COMMD10: variants seen among roughly 807,000 people sequenced by gnomAD.
The protein encoded by COMMD10 is COMM domain-containing protein 10.
In COMMD10, 33 loss-of-function variants were observed where a neutral mutation model predicts 28.9. That is an observed-to-expected ratio of 1.14 (90% CI 0.87 to 1.53). The LOEUF is 1.53. COMMD10 is among the 40% of genes most tolerant of loss of function. The pLI is 0.00. For missense variants in COMMD10, 310 were observed against 233.4 expected (o/e 1.33, Z -2.14); for synonymous variants, 110 against 81.7 (o/e 1.35, Z -1.87).
chr5:116,123,916 T>C (rs865836653), intron 4 of COMMD10, among the ~76,000 whole-genome samples: 1 of 87,722 alleles, frequency 1.1e-5, no homozygotes, highest in African/African-American at 2.8e-5. Flanking sequence ...GGTGGTGATA[T>C]CCCCTTTATC....
intron 5 of COMMD10, among the ~76,000 whole-genome samples, chr5:116,221,019 T>C (rs974578330): frequency 1.3e-5 from 2 of 152,054 alleles, no homozygotes; most frequent in African/African-American, 4.8e-5. Context: ...TAATTCTCCT[T>C]AACTGCTCCA....
intron 4 of COMMD10, among the ~76,000 whole-genome samples, chr5:116,100,209 G>T (rs926965169): frequency 2.6e-5 from 4 of 152,054 alleles, no homozygotes; most frequent in African/African-American, 9.7e-5. Context: ...TTGGATTAGG[G>T]ATGCCGAACC....
In COMMD10 at chr5:116,134,231, C is replaced by A; in HGVS notation, c.510+53C>A. On this transcript the variant is annotated intron_variant, in intron 5 of 6. Coordinates refer to ENST00000274458, the MANE Select transcript of COMMD10 (RefSeq NM_016144.4). ...TGTATTTTGTTTGTTAGGACTTAAA[C>A]TTTTTATTCTTAGCAGTCTTTGCTC... 3.0e-6 allele frequency: 3 copies of A among 995,552 alleles called. No homozygotes were observed. The African/African-American group carries it at 4.8e-5, about 16-fold the overall frequency. 61.7% of individuals were successfully genotyped at this position (995,552 alleles called of 1,614,324 possible). A position where few individuals can be genotyped will look rare whatever the true frequency, so the allele number is the denominator to read the frequency against.
At chr5:116,205,375 A>G (rs957860665) in intron 5 of COMMD10, among the ~76,000 whole-genome samples, 2 of 152,174 alleles carry the variant, frequency 1.3e-5, no homozygotes, top group South Asian at 2.1e-4. Flanking sequence ...TATACTACCT[A>G]TAGTAGCATC....
chr5:116,229,247 C>T (rs1749470865), intron 5 of COMMD10, among the ~76,000 whole-genome samples: 1 of 151,946 alleles, frequency 6.6e-6, no homozygotes, highest in Non-Finnish European at 1.5e-5. Flanking sequence ...CAGACAGACA[C>T]AGTAATGGCT....
chr5:116,226,542 A>G lies in COMMD10; in HGVS notation c.511-64975A>G, dbSNP rs1051640351. Reference sequence around the variant, plus strand: ...GAGTCACTATTTTTCACTGCTGCAGATATCTAGACATTTGATTGGAAAATA... The same window carrying G: ...GAGTCACTATTTTTCACTGCTGCAGGTATCTAGACATTTGATTGGAAAATA... On this transcript the variant is annotated intron_variant, in intron 5 of 6. Transcript: ENST00000274458. Among the ~76,000 whole-genome samples, 4 of 151,682 alleles carry G rather than the reference A, an allele frequency of 2.6e-5. No individual in the cohort carries two copies. In the East Asian group the frequency reaches 5.8e-4, roughly 22 times the overall value.
chr5:116,144,187 C>T (rs1357495746), intron 5 of COMMD10, among the ~76,000 whole-genome samples: 1 of 151,678 alleles, frequency 6.6e-6, no homozygotes, highest in Non-Finnish European at 1.5e-5. Flanking sequence ...TGGAAGAGAT[C>T]ACTTAGAGGA....
intron 4 of COMMD10, among the ~76,000 whole-genome samples, chr5:116,123,802 G>A (rs1221870064): frequency 6.6e-6 from 1 of 152,008 alleles, no homozygotes; most frequent in African/African-American, 2.4e-5. Context: ...TCTTGGGAGG[G>A]TGTATGTGTC....
intron 5 of COMMD10, among the ~76,000 whole-genome samples, chr5:116,243,992 A>T (rs542123717): frequency 1.3e-5 from 2 of 152,316 alleles, no homozygotes; most frequent in South Asian, 4.1e-4. Context: ...AAACAATGTT[A>T]AATCAATATC....
intron 5 of COMMD10, among the ~76,000 whole-genome samples, chr5:116,137,726 C>A (rs10519444): frequency 0.2 from 30,351 of 151,882 alleles, 4,706 homozygotes; most frequent in African/African-American, 0.44. Flanking sequence ...TAATTGCTAT[C>A]ACACTGGATA....
intron 5 of COMMD10, among the ~76,000 whole-genome samples, chr5:116,195,961 A>G (rs1479650777): frequency 2.6e-5 from 4 of 152,176 alleles, no homozygotes; most frequent in African/African-American, 9.7e-5. Flanking sequence ...TGCAGTGATC[A>G]GGAAACACGT....
chr5:116,252,114 T>C (rs1472709439), intron 5 of COMMD10, among the ~76,000 whole-genome samples: 2 of 149,140 alleles, frequency 1.3e-5, no homozygotes, highest in African/African-American at 5.1e-5. Flanking sequence ...GAAGTGTCTG[T>C]TCATGTCCTT....
intron 4 of COMMD10, among the ~76,000 whole-genome samples, chr5:116,107,245 TCTC>T (rs1750870334): frequency 6.6e-6 from 1 of 152,162 alleles, no homozygotes; most frequent in Non-Finnish European, 1.5e-5. Context: ...TTGGGGAAGT[TCTC>T]CTGGATAATA....
intron 5 of COMMD10, among the ~76,000 whole-genome samples, chr5:116,205,206 A>G (rs746563391): frequency 3.2e-4 from 49 of 152,324 alleles, no homozygotes; most frequent in Admixed American, 1.2e-3. Context: ...TCATAAGTGA[A>G]AACATTCCTT....
chr5:116,109,559 A>C (rs758043984), intron 4 of COMMD10, among the ~76,000 whole-genome samples: 1 of 152,198 alleles, frequency 6.6e-6, no homozygotes, highest in Admixed American at 6.5e-5. Flanking sequence ...GTGCCACTGC[A>C]CTCCAGCCTG....
At chr5:116,227,096 G>A (rs528746293) in intron 5 of COMMD10, among the ~76,000 whole-genome samples, 1 of 151,984 alleles carries the variant, frequency 6.6e-6, no homozygotes, top group Non-Finnish European at 1.5e-5. Flanking sequence ...AGCAGGGTCT[G>A]TATCTATCTG....
intron 4 of COMMD10, among the ~76,000 whole-genome samples, chr5:116,096,868 G>A (rs1192655062): frequency 6.6e-6 from 1 of 151,206 alleles, no homozygotes; most frequent in Non-Finnish European, 1.5e-5. Flanking sequence ...CTTTCCATTT[G>A]TTTCCCTGCA....
chr5:116,098,132 C>CT (rs1454619702), intron 4 of COMMD10, among the ~76,000 whole-genome samples: 1 of 152,198 alleles, frequency 6.6e-6, no homozygotes, highest in Non-Finnish European at 1.5e-5. Flanking sequence ...CTGTCTGTCT[C>CT]TAAGTCTTAT....
At chr5:116,197,522 G>C (rs1748559406) in intron 5 of COMMD10, among the ~76,000 whole-genome samples, 2 of 151,904 alleles carry the variant, frequency 1.3e-5, no homozygotes, top group South Asian at 4.2e-4. Flanking sequence ...GCTGGGACTT[G>C]AGTGCCACCA....
Sources: allele counts gnomAD v4.1 joint callset (sites outside exome capture counted in the v4.1 genomes callset), GRCh38; gene constraint gnomAD v4.1.1; transcripts MANE v1.5; gene names NCBI Gene and HGNC (gene_info 2026-07-23, HGNC 2026-07-21).